SYNPO2: variants seen among roughly 807,000 people sequenced by gnomAD.
SYNPO2 encodes the protein synaptopodin 2, also known as synaptopodin-2.
In SYNPO2, 56 loss-of-function variants were observed where a neutral mutation model predicts 85.0. The ratio of observed to expected loss-of-function variants is 0.66; its 90% CI spans 0.53 to 0.82. The LOEUF (loss-of-function observed/expected upper bound fraction) is 0.82. Among genes scored for constraint, SYNPO2 ranks in the 40% least tolerant of loss-of-function variants. The pLI is 0.00. For missense variants in SYNPO2, 1,575 were observed against 1,534.2 expected (o/e 1.03, Z -0.44); for synonymous variants, 602 against 591.1 (o/e 1.02, Z -0.27).
intron 2 of SYNPO2, among the ~76,000 whole-genome samples, chr4:119,026,339 C>T (rs1011129502): frequency 4.6e-5 from 7 of 152,100 alleles, no homozygotes; most frequent in African/African-American, 7.2e-5. Context: ...TACAGATAAA[C>T]GGGATCCATG....
At chr4:118,899,567 G>A (rs1732651680) in intron 1 of SYNPO2, among the ~76,000 whole-genome samples, 1 of 152,028 alleles carries the variant, frequency 6.6e-6, no homozygotes, top group South Asian at 2.1e-4. Flanking sequence ...ATATATGCAG[G>A]TGCACACTGA....
At chr4:118,966,627 T>C (rs1228437121) in intron 1 of SYNPO2, among the ~76,000 whole-genome samples, 2 of 152,146 alleles carry the variant, frequency 1.3e-5, no homozygotes, top group Non-Finnish European at 2.9e-5. Flanking sequence ...TTAAATTATA[T>C]AGCTATGTAT....
At chr4:119,037,443 C>A (rs773632156) in intron 4 of SYNPO2, 7 of 1,117,590 alleles carry the variant, frequency 6.3e-6, no homozygotes, top group Non-Finnish European at 7.6e-6. Flanking sequence ...AAGTAAATAA[C>A]AAAAGCCATA....
intron 1 of SYNPO2, among the ~76,000 whole-genome samples, chr4:118,900,745 ATCTATC>A (rs1560841423): frequency 9.8e-6 from 1 of 101,668 alleles, no homozygotes; most frequent in African/African-American, 4.7e-5. Context: ...CTGTCTGTCT[ATCTATC>A]TATCTATCTA....
rs376467151 is a variant in SYNPO2 at position 118,900,663 on chromosome 4, TTCTCTCTCTCTCTCTCTCTC to T, written c.105+11544_105+11563del. On this transcript the variant is annotated intron_variant, in intron 1 of 4. Transcript: ENST00000307142. ...TTTGTAATCTTACCCTAGAATCTCTTTCTCTCTCTCTCTCTCTCTCTCTCTCTCTCTCTCTCTCTCTATAT... is the reference window on the plus strand; with the variant it reads ...TTTGTAATCTTACCCTAGAATCTCTTTCTCTCTCTCTCTCTCTCTCTATAT... Among the ~76,000 whole-genome samples the T allele has an allele frequency of 3.3e-3, 256 of 77,550 alleles. 1 individual carries two copies. Among genetic ancestry groups the T allele is most frequent in the African/African-American group, 0.013 (247 of 18,966 alleles). 50.9% of individuals were successfully genotyped at this position (77,550 alleles called of 152,430 possible).
In SYNPO2 at chr4:119,051,189, T is replaced by TTTTTTG. The variant is rs1739027673; in HGVS notation, c.3253-6207_3253-6206insGTTTTT. 1.3e-4 allele frequency among the ~76,000 whole-genome samples: 18 copies of TTTTTTG among 134,460 alleles called. No individual in the cohort carries two copies. In the South Asian group the frequency reaches 4.4e-3, roughly 33 times the overall value. The allele number at this position is 134,460 out of a possible 152,430, so 88.2% of individuals were successfully genotyped here. A position where few individuals can be genotyped will look rare whatever the true frequency, so the allele number is the denominator to read the frequency against. Reference sequence around the variant, plus strand: ...TGGGGTAAAGCCATGGGAAGCAATTTTTTTTTTTTTTTTTTTTTGAGACGG... The same window carrying TTTTTTG: ...TGGGGTAAAGCCATGGGAAGCAATTTTTTTTGTTTTTTTTTTTTTTTTTTGAGACGG... On this transcript the variant is annotated intron_variant, in intron 4 of 4. Transcript: ENST00000307142.
chr4:119,041,768 G>A (rs1047592732), intron 4 of SYNPO2, among the ~76,000 whole-genome samples: 8 of 151,960 alleles, frequency 5.3e-5, no homozygotes, highest in Non-Finnish European at 1.5e-5. Flanking sequence ...TATTCCCTTC[G>A]TAGTGTAACA....
chr4:118,885,639 A>AT (rs1732186335), upstream of SYNPO2, among the ~76,000 whole-genome samples: 1 of 151,870 alleles, frequency 6.6e-6, no homozygotes, highest in South Asian at 2.1e-4. Flanking sequence ...CGCCCAGCTA[A>AT]TTTTTGTACT....
intron 4 of SYNPO2, among the ~76,000 whole-genome samples, chr4:119,051,391 GTT>G (rs1305224245): frequency 2.7e-5 from 4 of 150,732 alleles, no homozygotes; most frequent in Non-Finnish European, 4.4e-5. Flanking sequence ...GGGTTTCACC[GTT>G]TTTTAGCCGG....
intron 1 of SYNPO2, among the ~76,000 whole-genome samples, chr4:119,022,654 C>T (rs1737772245): frequency 1.8e-5 from 2 of 111,454 alleles, no homozygotes; most frequent in Admixed American, 9.0e-5. Context: ...CTGTGCCTGG[C>T]CTGAATTATT....
intron 1 of SYNPO2, among the ~76,000 whole-genome samples, chr4:118,856,251 A>G (rs182018946): frequency 5.9e-5 from 9 of 152,326 alleles, no homozygotes; most frequent in Admixed American, 5.9e-4. Context: ...CTCTTTAGTT[A>G]TTGTTATCAT....
intron 1 of SYNPO2, among the ~76,000 whole-genome samples, chr4:118,916,726 T>G (rs1417769806): frequency 1.1e-5 from 1 of 88,454 alleles, no homozygotes; most frequent in Non-Finnish European, 2.3e-5. Flanking sequence ...TTTATTTTTC[T>G]TTCTTTTTTT....
intron 1 of SYNPO2, among the ~76,000 whole-genome samples, chr4:118,879,872 C>T (rs1050806238): frequency 2.6e-5 from 4 of 152,180 alleles, no homozygotes; most frequent in East Asian, 1.9e-4. Flanking sequence ...CGCCTCCCTC[C>T]GAGACCCTGC....
chr4:119,012,774 C>T (rs1289509575), intron 1 of SYNPO2, among the ~76,000 whole-genome samples: 1 of 152,182 alleles, frequency 6.6e-6, no homozygotes, highest in African/African-American at 2.4e-5. Context: ...ATATGTGCCA[C>T]ATTTTCTTTA....
intron 1 of SYNPO2, among the ~76,000 whole-genome samples, chr4:119,021,538 C>T (rs1737720505): frequency 6.6e-6 from 1 of 152,118 alleles, no homozygotes; most frequent in Non-Finnish European, 1.5e-5. Context: ...ACTGTATGGT[C>T]ATCATACATG....
intron 1 of SYNPO2, among the ~76,000 whole-genome samples, chr4:118,910,296 A>T (rs534307773): frequency 6.6e-6 from 1 of 152,354 alleles, no homozygotes; most frequent in African/African-American, 2.4e-5. Context: ...TGAAGGGAGA[A>T]TGAGATCAGT....
At chr4:118,934,656 C>T (rs1734041376) in intron 1 of SYNPO2, among the ~76,000 whole-genome samples, 1 of 152,150 alleles carries the variant, frequency 6.6e-6, no homozygotes, top group African/African-American at 2.4e-5. Flanking sequence ...AGAATGGATA[C>T]TGGAGACATA....
intron 1 of SYNPO2, among the ~76,000 whole-genome samples, chr4:118,869,571 C>A (rs1179038361): frequency 2.0e-5 from 3 of 152,052 alleles, no homozygotes; most frequent in Non-Finnish European, 4.4e-5. Flanking sequence ...AACTCAAAGC[C>A]TGGGGCCTAT....
At chr4:118,998,871 T>C (rs1028382190) in intron 1 of SYNPO2, among the ~76,000 whole-genome samples, 1 of 151,686 alleles carries the variant, frequency 6.6e-6, no homozygotes, top group African/African-American at 2.4e-5. Flanking sequence ...CCTCCCTCTC[T>C]CTCTTACTCT....
Sources: gnomAD v4.1 joint callset for allele counts (sites outside exome capture counted in the v4.1 genomes callset) on GRCh38, gnomAD v4.1.1 for gene constraint, MANE v1.5 for transcripts, NCBI Gene and HGNC (gene_info 2026-07-23, HGNC 2026-07-21) for gene names.